MALT1: variants seen among roughly 807,000 people sequenced by gnomAD.
The protein encoded by MALT1 is mucosa-associated lymphoid tissue lymphoma translocation protein 1.
Under a neutral mutation model 85.5 loss-of-function variants are expected in MALT1, and 36 were observed. The observed-to-expected ratio is 0.42, with a 90% CI of 0.32 to 0.56. The LOEUF (loss-of-function observed/expected upper bound fraction) is 0.56. Among genes scored for constraint, MALT1 ranks in the 20% least tolerant of loss-of-function variants. The pLI, the probability that MALT1 is intolerant of heterozygous loss-of-function variation, is 0.10. For synonymous variants in MALT1, 359 were observed against 361.3 expected (o/e 0.99, Z 0.07); for missense variants, 716 against 981.6 (o/e 0.73, Z 3.62).
chr18:58,705,145 C>T (rs556429150), intron 4 of MALT1, among the ~76,000 whole-genome samples: 1 of 152,042 alleles, frequency 6.6e-6, no homozygotes, highest in African/African-American at 2.4e-5. Flanking sequence ...CAGTATGCCT[C>T]TAACTTATTG....
Position 58,709,293 on chromosome 18 carries a change from G to A in MALT1, c.650-85G>A, listed in dbSNP as rs1602309832. On this transcript the variant is annotated intron_variant, in intron 4 of 16. Coordinates refer to ENST00000649217, the MANE Select transcript of MALT1 (RefSeq NM_006785.4). ...TTATTAAAAATTGTAACAAATGAAGGGGGAACTTGACACATCTCTTTAATT... is the reference window on the plus strand; with the variant it reads ...TTATTAAAAATTGTAACAAATGAAGAGGGAACTTGACACATCTCTTTAATT... 2.2e-5 allele frequency: 18 copies of A among 814,240 alleles called. No homozygotes were observed. The East Asian group carries it at 5.3e-4, about 24-fold the overall frequency. The allele number at this position is 814,240 out of a possible 1,614,324, so 50.4% of individuals were successfully genotyped here.
At chr18:58,707,538 C>T (rs2054770766) in intron 4 of MALT1, among the ~76,000 whole-genome samples, 1 of 152,060 alleles carries the variant, frequency 6.6e-6, no homozygotes, top group Admixed American at 6.6e-5. Flanking sequence ...AACCTGTCAT[C>T]TACATTAGGT....
chr18:58,746,712 A>C (rs1278686973), intron 16 of MALT1, among the ~76,000 whole-genome samples: 1 of 150,856 alleles, frequency 6.6e-6, no homozygotes, highest in Non-Finnish European at 1.5e-5. Flanking sequence ...TTTTTTATAA[A>C]ACTGGTATAA....
intron 2 of MALT1, chr18:58,690,964 G>A: frequency 3.5e-6 from 1 of 281,928 alleles, no homozygotes; most frequent in Non-Finnish European, 7.0e-6. Flanking sequence ...TGATAAAGTT[G>A]TGTAAGTCTC....
chr18:58,716,904 A>C (rs1411910741), intron 9 of MALT1, among the ~76,000 whole-genome samples: 1 of 152,234 alleles, frequency 6.6e-6, no homozygotes, highest in African/African-American at 2.4e-5. Context: ...GATTTGGGCC[A>C]AGGTGAAAAC....
At chr18:58,744,987 G>A (rs1248479614) in intron 15 of MALT1, among the ~76,000 whole-genome samples, 6 of 152,282 alleles carry the variant, frequency 3.9e-5, no homozygotes, top group Non-Finnish European at 1.5e-5. Context: ...AAACTGAGAA[G>A]CAAGCAAGGA....
chr18:58,688,299 T>TACAGAC (rs1555683323), intron 2 of MALT1, among the ~76,000 whole-genome samples: 10 of 139,670 alleles, frequency 7.2e-5, no homozygotes, highest in African/African-American at 2.3e-4. Context: ...ATATATATGT[T>TACAGAC]ACACACACAC....
intron 9 of MALT1, among the ~76,000 whole-genome samples, chr18:58,718,848 G>A (rs1489190694): frequency 1.3e-5 from 2 of 152,182 alleles, no homozygotes; most frequent in Non-Finnish European, 2.9e-5. Flanking sequence ...AAGAGGCAAA[G>A]CCAAGGTGAG....
At chr18:58,727,725 G>A (rs1471788371) in intron 10 of MALT1, among the ~76,000 whole-genome samples, 1 of 150,380 alleles carries the variant, frequency 6.6e-6, no homozygotes, top group Non-Finnish European at 1.5e-5. Context: ...CGTTGTCTGA[G>A]AGTCGAGTTA....
Position 58,709,943 on chromosome 18 carries a change from A to G in MALT1, c.829-33A>G, listed in dbSNP as rs746613896. 54 of 1,305,752 alleles carry G rather than the reference A, an allele frequency of 4.1e-5. No homozygotes were observed. The African/African-American group carries it at 6.8e-4, about 16-fold the overall frequency. The allele number at this position is 1,305,752 out of a possible 1,614,324, so 80.9% of individuals were successfully genotyped here. Reference sequence around the variant, plus strand: ...TTTCTCCAAGCCATTAAAATAGAAGAGGAAGCATTTACATGTTCTAATATT... The same window carrying G: ...TTTCTCCAAGCCATTAAAATAGAAGGGGAAGCATTTACATGTTCTAATATT... On this transcript the variant is annotated intron_variant, in intron 5 of 16. Coordinates refer to ENST00000649217, the MANE Select transcript of MALT1 (RefSeq NM_006785.4).
rs116771368 is a variant in MALT1 at position 58,731,587 on chromosome 18, C to T, written c.1223-1810C>T. Among the ~76,000 whole-genome samples the T allele has an allele frequency of 5.6e-3, 847 of 152,308 alleles. 9 individuals are homozygous for T. Among genetic ancestry groups the T allele is most frequent in the African/African-American group, 0.019 (804 of 41,562 alleles). Reference sequence around the variant, plus strand: ...GTTCTCCTGCCCATAATCTACCTCGCTCTCTCTCTGCCTTTGCAAATTTCT... The same window carrying T: ...GTTCTCCTGCCCATAATCTACCTCGTTCTCTCTCTGCCTTTGCAAATTTCT... On this transcript the variant is annotated intron_variant, in intron 10 of 16. Coordinates refer to ENST00000649217, the MANE Select transcript of MALT1 (RefSeq NM_006785.4).
At chr18:58,745,873 C>A in intron 16 of MALT1, 82 bp downstream of exon 16, 1 of 1,270,000 alleles carries the variant, frequency 7.9e-7, no homozygotes, top group Non-Finnish European at 1.1e-6. Context: ...CATAGATATG[C>A]TGCCTTATTA....
intron 10 of MALT1, among the ~76,000 whole-genome samples, chr18:58,731,550 G>C (rs977618791): frequency 6.6e-6 from 1 of 152,128 alleles, no homozygotes; most frequent in Non-Finnish European, 1.5e-5. Flanking sequence ...GGTCCAATCC[G>C]TGTTTATTTC....
chr18:58,689,278 CAG>C (rs1002293049), intron 2 of MALT1, among the ~76,000 whole-genome samples: 3 of 149,558 alleles, frequency 2.0e-5, no homozygotes, highest in African/African-American at 4.9e-5. Flanking sequence ...AAAAAAGTCT[CAG>C]AGAGTTTAAT....
At chr18:58,699,765 A>T (rs143456598) in intron 3 of MALT1, among the ~76,000 whole-genome samples, 2 of 152,222 alleles carry the variant, frequency 1.3e-5, no homozygotes, top group Non-Finnish European at 2.9e-5. Flanking sequence ...CAATGTGCCA[A>T]AGTTGGGTGT....
chr18:58,709,967 T>C lies in MALT1; in HGVS notation c.829-9T>C. ...GAGGAAGCATTTACATGTTCTAATA[T>C]TGATATAGGTGCCTTATGTGGATTT... On this transcript the variant is annotated splice_polypyrimidine_tract_variant and intron_variant, in intron 5 of 16. Coordinates refer to ENST00000649217, the MANE Select transcript of MALT1 (RefSeq NM_006785.4). 1 of 1,553,358 alleles carries C rather than the reference T, an allele frequency of 6.4e-7. No homozygotes were observed. The highest frequency in any genetic ancestry group is 8.8e-7 in the Non-Finnish European group (1 of 1,132,054).
chr18:58,734,217 C>G, intron 11 of MALT1, 90 bp from the exon 12 acceptor site: 1 of 1,120,164 alleles, frequency 8.9e-7, no homozygotes, highest in Non-Finnish European at 1.3e-6. Context: ...TTCTAAAAAA[C>G]TGTTGTATTT....
chr18:58,713,304 G>A (rs2054857541), intron 7 of MALT1, among the ~76,000 whole-genome samples: 1 of 151,926 alleles, frequency 6.6e-6, no homozygotes, highest in Non-Finnish European at 1.5e-5. Context: ...CCTATCCATT[G>A]GCCATGATAA....
At chr18:58,694,376 T>G (rs2054557464) in intron 2 of MALT1, among the ~76,000 whole-genome samples, 1 of 152,234 alleles carries the variant, frequency 6.6e-6, no homozygotes, top group African/African-American at 2.4e-5. Context: ...AAGATTACTG[T>G]TATTTACACT....
Sources: allele counts gnomAD v4.1 joint callset (sites outside exome capture counted in the v4.1 genomes callset), GRCh38; gene constraint gnomAD v4.1.1; transcripts MANE v1.5; gene names NCBI Gene and HGNC (gene_info 2026-07-23, HGNC 2026-07-21).